ANKRD11: variants seen among roughly 807,000 people sequenced by gnomAD.
ANKRD11 encodes the protein ankyrin repeat domain 11.
In ANKRD11, 17 loss-of-function variants were observed where a neutral mutation model predicts 195.7. The observed-to-expected ratio is 0.09, with a 90% CI of 0.06 to 0.13. ANKRD11 has a LOEUF of 0.13. ANKRD11 is among the 10% of genes least tolerant of loss of function. The pLI is 1.00. For missense variants in ANKRD11, 3,735 were observed against 3,566.1 expected, an observed-to-expected ratio of 1.05 and a Z score of -1.21; for synonymous variants, 1,953 against 1,528.1, an observed-to-expected ratio of 1.28 and a Z score of -6.49.
intron 2 of ANKRD11, among the ~76,000 whole-genome samples, chr16:89,344,491 T>C (rs1430985055): frequency 1.3e-5 from 2 of 152,012 alleles, no homozygotes; most frequent in Non-Finnish European, 2.9e-5. Flanking sequence ...TGACACAGAT[T>C]TTACCCTCTT....
intron 2 of ANKRD11, among the ~76,000 whole-genome samples, chr16:89,363,532 A>G (rs1333320056): frequency 1.3e-5 from 2 of 151,968 alleles, no homozygotes; most frequent in Admixed American, 1.3e-4. Context: ...CTCAAGGGGG[A>G]AAAAAAACCT....
chr16:89,384,538 C>CTGGGT, intron 2 of ANKRD11, among the ~76,000 whole-genome samples: 1 of 148,336 alleles, frequency 6.7e-6, no homozygotes, highest in Admixed American at 6.7e-5. Context: ...TGGGATGGGA[C>CTGGGT]TGGGATGGGA....
In ANKRD11 at chr16:89,291,806, A is replaced by C; in HGVS notation, c.227-623T>G. 1 of 1,280,250 alleles carries C rather than the reference A, an allele frequency of 7.8e-7. No homozygotes were observed. The highest frequency in any genetic ancestry group is 1.0e-6 in the Non-Finnish European group (1 of 980,272). The allele number at this position is 1,280,250 out of a possible 1,614,324, so 79.3% of individuals were successfully genotyped here. A position where few individuals can be genotyped will look rare whatever the true frequency, so the allele number is the denominator to read the frequency against. On this transcript the variant is annotated intron_variant, in intron 4 of 12. Coordinates refer to ENST00000301030, the MANE Select transcript of ANKRD11 (RefSeq NM_013275.6). The surrounding 1 kb of genome is among the most constrained non-coding windows in gnomAD (Gnocchi z 5.3). The stretch of plus-strand genomic sequence containing the variant: ...AAGGCATCAACACAGAGCACTAACA[A>C]GACACGGTGTGAGAGCTCGGCTGTT...
At chr16:89,463,209 G>A (rs1191333125) in intron 1 of ANKRD11, among the ~76,000 whole-genome samples, 7 of 152,334 alleles carry the variant, frequency 4.6e-5, no homozygotes, top group Admixed American at 3.9e-4. Context: ...CATGATGACA[G>A]TGGCGGTTTT....
chr16:89,390,278 G>A (rs541436304), intron 2 of ANKRD11, among the ~76,000 whole-genome samples: 8 of 146,322 alleles, frequency 5.5e-5, no homozygotes, highest in East Asian at 2.1e-4. Flanking sequence ...GGGGAGCACC[G>A]AGAGAGAAGA....
intron 2 of ANKRD11, among the ~76,000 whole-genome samples, chr16:89,397,657 C>G (rs2041502971): frequency 6.6e-6 from 1 of 152,260 alleles, no homozygotes; most frequent in Non-Finnish European, 1.5e-5. Context: ...AAGGGTAAGA[C>G]ACAGTTCCCA....
chr16:89,408,310 C>T (rs540384209), intron 2 of ANKRD11, among the ~76,000 whole-genome samples: 1 of 152,378 alleles, frequency 6.6e-6, no homozygotes, highest in East Asian at 1.9e-4. Flanking sequence ...TGGGCTACCA[C>T]AGACATGGTG....
intron 9 of ANKRD11, chr16:89,278,440 C>T (rs946571707): frequency 1.1e-5 from 5 of 437,920 alleles, no homozygotes; most frequent in African/African-American, 4.0e-5. Flanking sequence ...CCAGACGTAG[C>T]GCAAGGAGCT....
At chr16:89,365,667 T>C (rs759630448) in intron 2 of ANKRD11, among the ~76,000 whole-genome samples, 2 of 152,178 alleles carry the variant, frequency 1.3e-5, no homozygotes, top group Admixed American at 6.5e-5. Flanking sequence ...ACCGCAATTC[T>C]TCCTGGGCAG....
rs1296693710 is a variant in ANKRD11, at chr16:89,407,869, AAAAAG to A, written c.-60+10410_-60+10414del. 4.5e-3 allele frequency among the ~76,000 whole-genome samples: 675 copies of A among 151,388 alleles called. 6 individuals carry two copies. Among genetic ancestry groups the A allele is most frequent in the Non-Finnish European group, 6.5e-3 (441 of 67,800 alleles). ...TCTCCCTCCAAAAAAAAAAAAAAAAAAAAAGAAGAAGAAGAAATATTAACTCCTTT... is the reference window on the plus strand; with the variant it reads ...TCTCCCTCCAAAAAAAAAAAAAAAAAAAGAAGAAGAAATATTAACTCCTTT... On this transcript the variant is annotated intron_variant, in intron 2 of 12. Coordinates refer to ENST00000301030, the MANE Select transcript of ANKRD11 (RefSeq NM_013275.6).
At chr16:89,335,083 T>G (rs2038278708) in intron 2 of ANKRD11, among the ~76,000 whole-genome samples, 1 of 152,114 alleles carries the variant, frequency 6.6e-6, no homozygotes, top group African/African-American at 2.4e-5. Context: ...AAAAAACGAC[T>G]AACACTGATT....
intron 2 of ANKRD11, among the ~76,000 whole-genome samples, chr16:89,410,613 C>T (rs147898311): frequency 1.3e-5 from 2 of 152,348 alleles, no homozygotes; most frequent in Non-Finnish European, 2.9e-5. Flanking sequence ...AAAGCAGTTG[C>T]TATCCTGCTG....
intron 1 of ANKRD11, among the ~76,000 whole-genome samples, chr16:89,421,830 C>G (rs1227046062): frequency 6.6e-6 from 1 of 152,168 alleles, no homozygotes; most frequent in Non-Finnish European, 1.5e-5. Context: ...ATGACAGGAC[C>G]ACTGCCCATC....
At chr16:89,394,629 CAAA>C (rs36087767) in intron 2 of ANKRD11, among the ~76,000 whole-genome samples, 1 of 140,238 alleles carries the variant, frequency 7.1e-6, no homozygotes. Context: ...ACTCTGTCTC[CAAA>C]AAAAAAAAAA....
rs573450356 is a variant in ANKRD11 at position 89,359,801 on chromosome 16, G to C, written c.-59-42723C>G. On this transcript the variant is annotated intron_variant, in intron 2 of 12. Coordinates refer to ENST00000301030, the MANE Select transcript of ANKRD11 (RefSeq NM_013275.6). ...CACTACATTCTATGTGATGCAGAAA[G>C]ATAAGATAGTTTTTATTCAATTCTT... is the stretch of plus-strand genomic sequence containing the variant. Among the ~76,000 whole-genome samples, 10 of 152,332 alleles carry C rather than the reference G, an allele frequency of 6.6e-5. No individual in the cohort carries two copies. The South Asian group carries it at 2.1e-3, about 32-fold the overall frequency.
At chr16:89,295,168 C>G (rs1430311739) in intron 4 of ANKRD11, among the ~76,000 whole-genome samples, 1 of 152,242 alleles carries the variant, frequency 6.6e-6, no homozygotes, top group African/African-American at 2.4e-5. Context: ...CACTCCACAG[C>G]ACTCAGAAGC....
chr16:89,309,906 G>A (rs189465764), intron 3 of ANKRD11, among the ~76,000 whole-genome samples: 1 of 152,300 alleles, frequency 6.6e-6, no homozygotes, highest in Non-Finnish European at 1.5e-5. Flanking sequence ...GACCCTGCCG[G>A]GCCCCACCAG....
At chr16:89,347,548 T>A (rs146803358) in intron 2 of ANKRD11, among the ~76,000 whole-genome samples, 4,834 of 150,174 alleles carry the variant, frequency 0.032, 260 homozygotes, top group African/African-American at 0.11. Flanking sequence ...GAGATGGAGG[T>A]TGCAGCGAGC....
chr16:89,390,183 C>A (rs71374171), intron 2 of ANKRD11, among the ~76,000 whole-genome samples: 1 of 93,688 alleles, frequency 1.1e-5, no homozygotes, highest in Non-Finnish European at 2.2e-5. Flanking sequence ...CGGGGAGCAC[C>A]GAGAGAGAAG....
Sources: allele counts gnomAD v4.1 joint callset (sites outside exome capture counted in the v4.1 genomes callset), GRCh38; gene constraint gnomAD v4.1.1; non-coding constraint Gnocchi (gnomAD v3.1); transcripts MANE v1.5; gene names NCBI Gene and HGNC (gene_info 2026-07-23, HGNC 2026-07-21).